The following CDH23 variants were observed in gnomAD, a reference collection of about 807,000 sequenced individuals.
CDH23 encodes cadherin-23.
A neutral mutation model predicts 317.1 loss-of-function variants in CDH23; 189 were observed. The ratio of observed to expected loss-of-function variants is 0.60; its 90% CI spans 0.53 to 0.67. CDH23 has a LOEUF of 0.67. Ranked by LOEUF, CDH23 falls within the 30% of genes least tolerant of loss-of-function variation. The probability of loss-of-function intolerance (pLI) is 0.00; values close to 1 mark genes in which losing one functional copy is unlikely to be tolerated. For synonymous variants in CDH23, 1,839 were observed against 1,876.8 expected, an observed-to-expected ratio of 0.98 and a Z score of 0.52; for missense variants, 4,401 against 4,592.4, an observed-to-expected ratio of 0.96 and a Z score of 1.20.
At chr10:71,595,925 C>G (rs1859810503) in intron 9 of CDH23, among the ~76,000 whole-genome samples, 1 of 152,196 alleles carries the variant, frequency 6.6e-6, no homozygotes, top group Non-Finnish European at 1.5e-5. Flanking sequence ...CTGTGAAATC[C>G]TTCTCTTTCT....
chr10:71,671,892 T>G (rs796375466), intron 14 of CDH23, among the ~76,000 whole-genome samples: 23 of 152,228 alleles, frequency 1.5e-4, no homozygotes, highest in African/African-American at 4.6e-4. Flanking sequence ...AATTCATACA[T>G]TAATATGTGT....
At chr10:71,592,145 G>C (rs1051877995) in intron 9 of CDH23, among the ~76,000 whole-genome samples, 8 of 152,076 alleles carry the variant, frequency 5.3e-5, no homozygotes, top group South Asian at 4.1e-4. Flanking sequence ...TCCTTTCAGG[G>C]CATCTGTGTT....
intron 3 of CDH23, among the ~76,000 whole-genome samples, chr10:71,500,647 A>G (rs1853238864): frequency 6.6e-6 from 1 of 152,116 alleles, no homozygotes; most frequent in Admixed American, 6.5e-5. Context: ...TGAGTTTTGG[A>G]TTTGGATAAA....
intron 1 of CDH23, among the ~76,000 whole-genome samples, chr10:71,409,939 A>G (rs897025979): frequency 6.6e-6 from 1 of 152,208 alleles, no homozygotes. Flanking sequence ...GGGTGTGGCC[A>G]GGGCTCTGAG....
At chr10:71,527,658 G>A (rs532049576) in intron 6 of CDH23, among the ~76,000 whole-genome samples, 1 of 152,178 alleles carries the variant, frequency 6.6e-6, no homozygotes, top group Admixed American at 6.5e-5. Context: ...ATATAGCAGA[G>A]AAGCAAGACC....
chr10:71,553,213 G>C (rs1421113135), intron 6 of CDH23, among the ~76,000 whole-genome samples: 3 of 152,152 alleles, frequency 2.0e-5, no homozygotes, highest in African/African-American at 7.2e-5. Flanking sequence ...CTTCTTCACT[G>C]ATTGAAGCTT....
chr10:71,779,484 C>T (rs1297487617), intron 41 of CDH23, 37 bp downstream of exon 41: 6 of 1,538,038 alleles, frequency 3.9e-6, no homozygotes, highest in Non-Finnish European at 5.3e-6. Context: ...CACAGGGTCT[C>T]ACCTGCACAC....
intron 20 of CDH23, among the ~76,000 whole-genome samples, 170 bp from the exon 21 acceptor site, chr10:71,693,977 A>G (rs1865279088): frequency 6.6e-6 from 1 of 152,012 alleles, no homozygotes; most frequent in African/African-American, 2.4e-5. Context: ...CCCGTCTCCC[A>G]CTGTGAGCAC....
intron 17 of CDH23, among the ~76,000 whole-genome samples, 156 bp downstream of exon 17, chr10:71,679,648 A>T (rs1864530686): frequency 6.6e-6 from 1 of 152,192 alleles, no homozygotes; most frequent in Non-Finnish European, 1.5e-5. Context: ...GTGGAGCAGG[A>T]TGTGGCCTGA....
chr10:71,510,956 C>G lies in CDH23; in HGVS notation c.291C>G (p.Thr97=), dbSNP rs767188378. 11 of 1,613,862 alleles carry G rather than the reference C, an allele frequency of 6.8e-6. No homozygotes were observed. Among genetic ancestry groups the G allele is most frequent in the Non-Finnish European group, 9.3e-6 (11 of 1,179,840 alleles). The change falls in exon 5 of 70, where the codon ACC becomes ACG. Residue 97 remains threonine (T), a splice_region_variant and synonymous_variant. Coordinates refer to ENST00000224721, the MANE Select transcript of CDH23 (RefSeq NM_022124.6). ...VWLRQPLDRE[T]KSEFTVEFSV... ...TCCCTCTCTCACTTTTCTTTCAGAC[C>G]AAGTCAGAGTTCACCGTGGAGTTCT...
chr10:71,799,607 A>G lies in CDH23; in HGVS notation c.7340A>G (p.Lys2447Arg). The G allele has an allele frequency of 6.2e-7, 1 of 1,614,032 alleles. No individual in the cohort carries two copies. The highest frequency in any genetic ancestry group is 1.1e-5 in the South Asian group (1 of 91,090). ...IEYSLGDGESKFAINPTTGDI... is the reference protein window; with the variant it reads ...IEYSLGDGESRFAINPTTGDI... ...TACAGCCTTGGAGATGGAGAGAGCA[A>G]GTTTGCCATCAACCCCACCACGGTG... The change falls in exon 52 of 70, where the codon AAG becomes AGG. Residue 2447 changes from lysine (K) to arginine (R), a missense_variant. Lys to Arg is a conservative substitution (Grantham distance 26). Coordinates refer to ENST00000224721, the MANE Select transcript of CDH23 (RefSeq NM_022124.6).
chr10:71,561,807 G>A (rs947998741), intron 6 of CDH23, among the ~76,000 whole-genome samples: 10 of 151,952 alleles, frequency 6.6e-5, no homozygotes, highest in Non-Finnish European at 1.5e-4. Context: ...CTTTGAAATG[G>A]CCCAGAAGCC....
chr10:71,812,155 T>TCACCCTCCCTC (rs1235496417), intron 66 of CDH23, 140 bp downstream of exon 66: 38 of 1,588,410 alleles, frequency 2.4e-5, no homozygotes, highest in Admixed American at 1.8e-4. Flanking sequence ...CACCCTCCCT[T>TCACCCTCCCTC]CACCCTCCCT....
chr10:71,746,997 C>T (rs535345657), intron 38 of CDH23, among the ~76,000 whole-genome samples: 74 of 152,304 alleles, frequency 4.9e-4, no homozygotes, highest in East Asian at 2.1e-3. Context: ...CTCTGCTTCC[C>T]CTGGCTTGAG....
chr10:71,797,838 T>C (rs1407853055), intron 49 of CDH23, among the ~76,000 whole-genome samples: 4 of 150,608 alleles, frequency 2.7e-5, no homozygotes, highest in Non-Finnish European at 3.0e-5. Context: ...GTGGGGGAAG[T>C]GGGGATGGGG....
At chr10:71,784,551 C>A in intron 42 of CDH23, 131 bp downstream of exon 42, 1 of 1,260,734 alleles carries the variant, frequency 7.9e-7, no homozygotes, top group Non-Finnish European at 1.1e-6. Flanking sequence ...CAGGCCTGCC[C>A]CTGGGGCCCT....
At chr10:71,402,769 G>A (rs578055963) in intron 1 of CDH23, among the ~76,000 whole-genome samples, 11 of 152,092 alleles carry the variant, frequency 7.2e-5, no homozygotes, top group Admixed American at 1.3e-4. Context: ...GCACATGCGC[G>A]TTGGATGGGG....
chr10:71,557,390 A>C (rs1001633), intron 6 of CDH23, among the ~76,000 whole-genome samples: 31,131 of 152,056 alleles, frequency 0.2, 4,663 homozygotes, highest in African/African-American at 0.42. Flanking sequence ...CTGTCTCAAC[A>C]TGGGCCAGCT....
chr10:71,676,845 C>T (rs886082139), intron 15 of CDH23, among the ~76,000 whole-genome samples: 5 of 152,212 alleles, frequency 3.3e-5, no homozygotes, highest in Non-Finnish European at 7.3e-5. Context: ...CAAGCCAGAA[C>T]CTTCCAGGCT....
Sources: gnomAD v4.1 joint callset for allele counts (sites outside exome capture counted in the v4.1 genomes callset) on GRCh38, gnomAD v4.1.1 for gene constraint, MANE v1.5 for transcripts, NCBI Gene and HGNC (gene_info 2026-07-23, HGNC 2026-07-21) for gene names.